PTPRN2: variants seen among roughly 807,000 people sequenced by gnomAD.
PTPRN2 encodes the protein protein tyrosine phosphatase receptor type N2, also known as receptor-type tyrosine-protein phosphatase N2.
Under a neutral mutation model 118.8 loss-of-function variants are expected in PTPRN2, and 74 were observed. The observed-to-expected ratio is 0.62, with a 90% CI of 0.52 to 0.76. PTPRN2 has a LOEUF of 0.76. PTPRN2 is among the 30% of genes least tolerant of loss of function. PTPRN2 has a pLI of 0.00. For synonymous variants in PTPRN2, 641 were observed against 608.0 expected (o/e 1.05, Z -0.80); for missense variants, 1,481 against 1,394.4 (o/e 1.06, Z -0.99).
chr7:158,302,892 C>T (rs1800995915), intron 3 of PTPRN2, among the ~76,000 whole-genome samples: 1 of 152,090 alleles, frequency 6.6e-6, no homozygotes, highest in South Asian at 2.1e-4. Context: ...GGCTATGTGG[C>T]AGGAAATGAC....
At chr7:158,276,223 GGTA>G (rs1798956551) in intron 3 of PTPRN2, among the ~76,000 whole-genome samples, 1 of 79,402 alleles carries the variant, frequency 1.3e-5, no homozygotes, top group African/African-American at 4.5e-5. Context: ...CAGGCTGTAA[GGTA>G]GCACCCCCAC....
intron 11 of PTPRN2, among the ~76,000 whole-genome samples, chr7:158,075,949 C>T (rs1812324854): frequency 1.3e-5 from 2 of 152,246 alleles, no homozygotes; most frequent in Non-Finnish European, 2.9e-5. Context: ...GGCCACACCT[C>T]CAGTCTCACT....
At chr7:158,075,909 G>A (rs138270903) in intron 11 of PTPRN2, among the ~76,000 whole-genome samples, 8 of 152,328 alleles carry the variant, frequency 5.3e-5, no homozygotes, top group African/African-American at 1.2e-4. Context: ...AGCGGCCCAC[G>A]TGCAGCGGAA....
At chr7:157,652,698 C>T (rs1472132293) in intron 14 of PTPRN2, among the ~76,000 whole-genome samples, 1 of 152,196 alleles carries the variant, frequency 6.6e-6, no homozygotes, top group Non-Finnish European at 1.5e-5. Flanking sequence ...AGACACCAGC[C>T]TCTTCCTGGT....
chr7:158,366,591 G>A (rs1053090314), intron 2 of PTPRN2, among the ~76,000 whole-genome samples: 10 of 152,130 alleles, frequency 6.6e-5, no homozygotes, highest in African/African-American at 2.2e-4. Context: ...TTGTTTCCCC[G>A]AACGCAGAGC....
intron 17 of PTPRN2, among the ~76,000 whole-genome samples, chr7:157,586,575 T>C (rs1800685685): frequency 6.6e-6 from 1 of 152,212 alleles, no homozygotes; most frequent in Non-Finnish European, 1.5e-5. Flanking sequence ...GGGTCTGTCC[T>C]GGAGACTCAG....
intron 9 of PTPRN2, among the ~76,000 whole-genome samples, chr7:158,129,695 C>T (rs536796875): frequency 1.6e-4 from 25 of 152,292 alleles, no homozygotes; most frequent in South Asian, 6.2e-4. Context: ...CCATAGGAAT[C>T]GGTCATGATA....
At chr7:158,150,765 G>T (rs554295056) in intron 6 of PTPRN2, among the ~76,000 whole-genome samples, 1 of 151,784 alleles carries the variant, frequency 6.6e-6, no homozygotes, top group African/African-American at 2.4e-5. Flanking sequence ...GAGACGCTGC[G>T]TATCTGCAGC....
At chr7:158,343,740 C>T (rs560447531) in intron 2 of PTPRN2, among the ~76,000 whole-genome samples, 6 of 147,374 alleles carry the variant, frequency 4.1e-5, no homozygotes, top group South Asian at 4.4e-4. Flanking sequence ...CGGCTGCTCC[C>T]GGTGGAATCA....
At chr7:158,290,820 T>C (rs534125366) in intron 3 of PTPRN2, among the ~76,000 whole-genome samples, 92 of 152,192 alleles carry the variant, frequency 6.0e-4, no homozygotes, top group Non-Finnish European at 1.1e-3. Flanking sequence ...CTTGTGAAGG[T>C]ATTTTTGCAC....
chr7:158,081,447 T>A, intron 10 of PTPRN2, 70 bp from the exon 11 acceptor site: 1 of 1,432,866 alleles, frequency 7.0e-7, no homozygotes, highest in East Asian at 2.3e-5. Flanking sequence ...GAAAACGACA[T>A]GGAAAACACT....
chr7:157,666,094 T>G (rs569742979), intron 13 of PTPRN2, among the ~76,000 whole-genome samples: 6 of 151,020 alleles, frequency 4.0e-5, no homozygotes, highest in African/African-American at 1.5e-4. Context: ...GTAACAAACC[T>G]GCACGTTGTG....
chr7:158,165,037 G>A (rs1489375090), intron 6 of PTPRN2, among the ~76,000 whole-genome samples: 7 of 151,088 alleles, frequency 4.6e-5, no homozygotes, highest in Non-Finnish European at 8.8e-5. Context: ...CCCCGATGGT[G>A]TCTAGTACCC....
In PTPRN2 at chr7:157,596,654, G is replaced by A. The variant is rs1285844848; in HGVS notation, c.2419-1339C>T. ...TCACTATCATCCCCAGGGCTCACCA[G>A]CTCCTCCCCACACCTCCCAGAAGCA... On this transcript the variant is annotated intron_variant, in intron 16 of 22. Transcript: ENST00000389418. This position sits in a 1 kb window ranked among gnomAD's most constrained non-coding sequence, Gnocchi z 4.2. Among the ~76,000 whole-genome samples, 2 of 152,112 alleles carry A rather than the reference G, an allele frequency of 1.3e-5. No homozygotes were observed. Among genetic ancestry groups the A allele is most frequent in the Non-Finnish European group, 2.9e-5 (2 of 68,026 alleles).
At chr7:157,717,088 T>G (rs71538051) in intron 12 of PTPRN2, among the ~76,000 whole-genome samples, 30 of 137,800 alleles carry the variant, frequency 2.2e-4, no homozygotes, top group East Asian at 1.1e-3. Context: ...GCCTGGCCAC[T>G]TAGACTCTGC....
chr7:157,977,972 T>C lies in PTPRN2; in HGVS notation c.1724-79235A>G, dbSNP rs917487726. Among the ~76,000 whole-genome samples, 2 of 151,890 alleles carry C rather than the reference T, an allele frequency of 1.3e-5. No individual in the cohort carries two copies. The highest frequency in any genetic ancestry group is 1.3e-4 in the Admixed American group (2 of 15,256). On this transcript the variant is annotated intron_variant, in intron 11 of 22. Transcript: ENST00000389418. The surrounding 1 kb of genome is among the most constrained non-coding windows in gnomAD (Gnocchi z 4.6). ...AGCAGGCTCAGGCACCTTTGGTAACTAGGCCCACAACAGATCCTGAACTCC... is the reference window on the plus strand; with the variant it reads ...AGCAGGCTCAGGCACCTTTGGTAACCAGGCCCACAACAGATCCTGAACTCC...
At chr7:158,162,894 G>T (rs1226175905) in intron 6 of PTPRN2, among the ~76,000 whole-genome samples, 1 of 152,152 alleles carries the variant, frequency 6.6e-6, no homozygotes, top group Non-Finnish European at 1.5e-5. Context: ...AAACAGCAAG[G>T]GTCTCATGTT....
At chr7:158,087,220 C>G (rs1274917156) in intron 10 of PTPRN2, among the ~76,000 whole-genome samples, 3 of 152,190 alleles carry the variant, frequency 2.0e-5, no homozygotes, top group Admixed American at 2.0e-4. Flanking sequence ...TTCACACAGT[C>G]CCCGCACGCT....
chr7:157,898,202 A>G (rs1797245105), intron 12 of PTPRN2, among the ~76,000 whole-genome samples: 1 of 152,248 alleles, frequency 6.6e-6, no homozygotes, highest in South Asian at 2.1e-4. Flanking sequence ...GGGGCTTGAT[A>G]GATTTTCAGT....
Sources: gnomAD v4.1 joint callset for allele counts (sites outside exome capture counted in the v4.1 genomes callset) on GRCh38, gnomAD v4.1.1 for gene constraint, Gnocchi (gnomAD v3.1) non-coding constraint, MANE v1.5 for transcripts, NCBI Gene and HGNC (gene_info 2026-07-23, HGNC 2026-07-21) for gene names.